Variants in CSPP1 observed in about 807,000 individuals in gnomAD.
CSPP1 encodes centrosome and spindle pole associated protein 1, also known as centrosome and spindle pole-associated protein 1.
A neutral mutation model predicts 164.4 loss-of-function variants in CSPP1; 126 were observed. The ratio of observed to expected loss-of-function variants is 0.77; its 90% CI spans 0.66 to 0.89. The LOEUF is 0.89. Ranked by LOEUF, CSPP1 falls within the 40% of genes least tolerant of loss-of-function variation. The pLI, the probability that CSPP1 is intolerant of heterozygous loss-of-function variation, is 0.00. For synonymous variants in CSPP1, 472 were observed against 476.7 expected (o/e 0.99, Z 0.13); for missense variants, 1,395 against 1,449.8 (o/e 0.96, Z 0.61).
intron 29 of CSPP1, 58 bp from the exon 30 acceptor site, chr8:67,193,406 T>G: frequency 1.3e-6 from 2 of 1,517,628 alleles, no homozygotes; most frequent in South Asian, 2.3e-5. Flanking sequence ...CCTGATTCAC[T>G]GATTTGTGAA....
chr8:67,150,204 T>G (rs1461310050), intron 18 of CSPP1, among the ~76,000 whole-genome samples: 10 of 152,190 alleles, frequency 6.6e-5, no homozygotes, highest in Non-Finnish European at 1.5e-4. Context: ...ATTTTTATTT[T>G]GCTAGTGGGG....
At chr8:67,112,592 T>C (rs1398103080) in intron 10 of CSPP1, among the ~76,000 whole-genome samples, 2 of 152,178 alleles carry the variant, frequency 1.3e-5, no homozygotes, top group Non-Finnish European at 1.5e-5. Context: ...TCGTATTCAC[T>C]TCATACGAGG....
intron 24 of CSPP1, among the ~76,000 whole-genome samples, chr8:67,168,289 AAG>A (rs1829852511): frequency 7.2e-6 from 1 of 139,186 alleles, no homozygotes; most frequent in Non-Finnish European, 1.6e-5. Flanking sequence ...AGACCGTGGA[AAG>A]AGAGGGAGAG....
chr8:67,129,558 G>A (rs544917559), intron 15 of CSPP1, among the ~76,000 whole-genome samples: 2 of 152,276 alleles, frequency 1.3e-5, no homozygotes, highest in East Asian at 3.9e-4. Context: ...AGACTTGGAT[G>A]TGAATGTTTA....
At chr8:67,147,018 G>C (rs1203909971) in intron 17 of CSPP1, among the ~76,000 whole-genome samples, 6 of 152,050 alleles carry the variant, frequency 3.9e-5, no homozygotes, top group Non-Finnish European at 8.8e-5. Context: ...ATATGGATTT[G>C]GTTTGCTTGC....
intron 4 of CSPP1, among the ~76,000 whole-genome samples, chr8:67,091,075 G>A (rs934192683): frequency 2.0e-5 from 3 of 152,048 alleles, no homozygotes; most frequent in Admixed American, 6.6e-5. Flanking sequence ...CTTTCAAAGC[G>A]ATTTTATATT....
chr8:67,151,968 G>A (rs1242104535), intron 18 of CSPP1, among the ~76,000 whole-genome samples: 2 of 150,936 alleles, frequency 1.3e-5, no homozygotes, highest in Non-Finnish European at 3.0e-5. Flanking sequence ...TGTGCCTGTA[G>A]TCCCAGCTAC....
chr8:67,181,041 G>C (rs200067368), intron 28 of CSPP1, among the ~76,000 whole-genome samples: 1 of 147,410 alleles, frequency 6.8e-6, no homozygotes, highest in Non-Finnish European at 1.5e-5. Flanking sequence ...TTTTTTTTTT[G>C]TTGTTGCTGT....
intron 15 of CSPP1, among the ~76,000 whole-genome samples, chr8:67,125,882 G>A (rs1182061279): frequency 6.6e-6 from 1 of 152,068 alleles, no homozygotes; most frequent in Non-Finnish European, 1.5e-5. Context: ...GCCCAGGCTG[G>A]AGTGCAGTGG....
At chr8:67,070,391 A>T (rs1806478732) in intron 1 of CSPP1, among the ~76,000 whole-genome samples, 1 of 147,136 alleles carries the variant, frequency 6.8e-6, no homozygotes, top group Non-Finnish European at 1.5e-5. Flanking sequence ...TGACCCCGGG[A>T]GGTGGAGCTT....
intron 26 of CSPP1, among the ~76,000 whole-genome samples, chr8:67,176,309 C>G (rs950059589): frequency 1.3e-5 from 2 of 152,106 alleles, no homozygotes; most frequent in African/African-American, 4.8e-5. Context: ...AGTTAAGACC[C>G]TATCTTGGGA....
intron 17 of CSPP1, among the ~76,000 whole-genome samples, chr8:67,145,295 G>A (rs545422916): frequency 6.6e-6 from 1 of 152,064 alleles, no homozygotes; most frequent in African/African-American, 2.4e-5. Flanking sequence ...AGGATCTGTG[G>A]TGATGGCTTC....
intron 17 of CSPP1, among the ~76,000 whole-genome samples, chr8:67,141,086 C>G (rs1823397957): frequency 1.3e-5 from 2 of 152,112 alleles, no homozygotes; most frequent in Non-Finnish European, 2.9e-5. Flanking sequence ...GAAAAATGTG[C>G]TTAACTGAGT....
At chr8:67,175,665 CTG>C in intron 26 of CSPP1, 1 of 648,814 alleles carries the variant, frequency 1.5e-6, no homozygotes, top group South Asian at 1.5e-5. Context: ...CAGTCATTCA[CTG>C]TAGCCAGGAG....
At chr8:67,100,733 C>T (rs1275423541) in intron 7 of CSPP1, among the ~76,000 whole-genome samples, 1 of 150,416 alleles carries the variant, frequency 6.6e-6, no homozygotes, top group African/African-American at 2.4e-5. Flanking sequence ...GCATGAGCCG[C>T]CGTGCCCGGC....
chr8:67,104,134 G>A (rs1350612290), intron 8 of CSPP1, among the ~76,000 whole-genome samples: 1 of 151,932 alleles, frequency 6.6e-6, no homozygotes, highest in Non-Finnish European at 1.5e-5. Context: ...CAAGAAAGAT[G>A]TCTATTTTTT....
rs1812571795 is a variant in CSPP1, at chr8:67,095,549, A to G, written c.740A>G (p.Gln247Arg). 1 of 1,613,930 alleles carries G rather than the reference A, an allele frequency of 6.2e-7. No homozygotes were observed. Among genetic ancestry groups the G allele is most frequent in the Non-Finnish European group, 8.5e-7 (1 of 1,179,990 alleles). ...GTGGGCATTTCCAACCTAAAACATC[A>G]AAGGTTTGCAAGCAAGGCTGGCATT... ...EEVGISNLKHQRFASKAGIPD... is the reference protein window; with the variant it reads ...EEVGISNLKHRRFASKAGIPD... Residue 247 changes from glutamine to arginine, a missense_variant, in exon 7 of 31, where the codon CAA becomes CGA. By Grantham distance (43) the Gln-to-Arg change is conservative. Transcript: ENST00000678616.
Position 67,163,778 on chromosome 8 carries a change from A to G in CSPP1, c.2690A>G (p.Lys897Arg). The G allele has an allele frequency of 2.5e-6, 4 of 1,613,650 alleles. No homozygotes were observed. The highest frequency in any genetic ancestry group is 1.3e-5 in the African/African-American group (1 of 75,032). ...RAQSPPVPARKNQLRAEEEKK... is the reference protein window; with the variant it reads ...RAQSPPVPARRNQLRAEEEKK... ...CAGTCACCCCCGGTACCTGCCAGGA[A>G]AAATCAGCTCCGTGCAGAAGGTAGA... The change falls in exon 23 of 31, where the codon AAA (lysine) becomes AGA (arginine). Residue 897 changes from lysine (K) to arginine (R), a missense_variant. By Grantham distance (26) the Lys-to-Arg change is conservative. Transcript: ENST00000678616.
chr8:67,145,933 A>G (rs1824455143), intron 17 of CSPP1, among the ~76,000 whole-genome samples: 1 of 152,068 alleles, frequency 6.6e-6, no homozygotes, highest in Non-Finnish European at 1.5e-5. Context: ...TTTTAGCTGT[A>G]CATCACAAAT....
Sources: allele counts gnomAD v4.1 joint callset (sites outside exome capture counted in the v4.1 genomes callset), GRCh38; gene constraint gnomAD v4.1.1; transcripts MANE v1.5; gene names NCBI Gene and HGNC (gene_info 2026-07-23, HGNC 2026-07-21).